WDPCP: variants seen among roughly 807,000 people sequenced by gnomAD.
The protein encoded by WDPCP is WD repeat-containing and planar cell polarity effector protein fritz homolog.
A neutral mutation model predicts 93.1 loss-of-function variants in WDPCP; 71 were observed. The ratio of observed to expected loss-of-function variants is 0.76; its 90% confidence interval spans 0.63 to 0.93. The LOEUF (loss-of-function observed/expected upper bound fraction) is 0.93. Among genes scored for constraint, WDPCP ranks in the 40% least tolerant of loss-of-function variants. WDPCP has a pLI of 0.00. For missense variants in WDPCP, 844 were observed against 887.4 expected (o/e 0.95, Z 0.62); for synonymous variants, 315 against 315.0 (o/e 1.00, Z 0.00).
chr2:63,622,944 T>G, intron 3 of WDPCP: 1 of 900,744 alleles, frequency 1.1e-6, no homozygotes, highest in Non-Finnish European at 1.7e-6. Context: ...GCCAGGCTCG[T>G]AGCTCAGTCA....
At chr2:63,484,200 T>C (rs1232913719) in intron 6 of WDPCP, among the ~76,000 whole-genome samples, 1 of 152,018 alleles carries the variant, frequency 6.6e-6, no homozygotes, top group Non-Finnish European at 1.5e-5. Context: ...AGTCGGCTTG[T>C]TGATTTGCAT....
At chr2:63,839,303 T>C in the WDPCP span, among the ~76,000 whole-genome samples, 1 of 152,282 alleles carries the variant, frequency 6.6e-6, no homozygotes, top group Admixed American at 6.5e-5. Context: ...CTCACGCCTG[T>C]AATCCCAGCA....
chr2:63,237,508 A>T (rs546799359), intron 14 of WDPCP, among the ~76,000 whole-genome samples: 2 of 152,268 alleles, frequency 1.3e-5, no homozygotes, highest in East Asian at 3.9e-4. Flanking sequence ...TTGTGCTACC[A>T]AAGATACCCG....
chr2:63,835,854 T>C, the WDPCP span, among the ~76,000 whole-genome samples: 2 of 152,132 alleles, frequency 1.3e-5, no homozygotes, highest in South Asian at 4.1e-4. Flanking sequence ...ATCTTCTCTT[T>C]ATTTTATTTT....
At chr2:63,766,047 G>C (rs1670133104) in intron 2 of WDPCP, among the ~76,000 whole-genome samples, 1 of 152,202 alleles carries the variant, frequency 6.6e-6, no homozygotes, top group African/African-American at 2.4e-5. Flanking sequence ...TAGAGCACTA[G>C]CACCTAGCAC....
intron 13 of WDPCP, among the ~76,000 whole-genome samples, chr2:63,296,208 T>C (rs1168045832): frequency 8.2e-5 from 5 of 60,946 alleles, no homozygotes; most frequent in African/African-American, 4.5e-4. Flanking sequence ...TCTCAGTAGA[T>C]GCAAAAAAAA....
chr2:63,612,248 G>A (rs1434071774), intron 3 of WDPCP, among the ~76,000 whole-genome samples: 1 of 152,174 alleles, frequency 6.6e-6, no homozygotes, highest in Non-Finnish European at 1.5e-5. Context: ...GACTCCCTCA[G>A]ATACAAAATG....
At chr2:63,697,423 T>C (rs552423143) in intron 2 of WDPCP, among the ~76,000 whole-genome samples, 277 of 152,276 alleles carry the variant, frequency 1.8e-3, no homozygotes, top group Non-Finnish European at 3.0e-3. Flanking sequence ...AATGAAATGT[T>C]AATCATTTAT....
chr2:63,574,371 G>A (rs1253608077), intron 1 of WDPCP, among the ~76,000 whole-genome samples: 2 of 152,012 alleles, frequency 1.3e-5, no homozygotes, highest in Non-Finnish European at 2.9e-5. Flanking sequence ...GTGAAATATC[G>A]GGGGTGAATT....
At chr2:63,141,332 C>G (rs758391377) in intron 17 of WDPCP, among the ~76,000 whole-genome samples, 1 of 152,186 alleles carries the variant, frequency 6.6e-6, no homozygotes, top group Non-Finnish European at 1.5e-5. Context: ...CCGCCTCAGC[C>G]CCCCAAAGTG....
At chr2:63,497,615 T>C (rs1298603821) in intron 1 of WDPCP, among the ~76,000 whole-genome samples, 1 of 152,148 alleles carries the variant, frequency 6.6e-6, no homozygotes, top group Non-Finnish European at 1.5e-5. Flanking sequence ...GAGGACCAAA[T>C]CAACATCCTT....
chr2:63,490,805 A>G (rs1700833969), intron 2 of WDPCP, among the ~76,000 whole-genome samples: 1 of 152,168 alleles, frequency 6.6e-6, no homozygotes, highest in Admixed American at 6.5e-5. Context: ...GGGGATCAAG[A>G]TGGAATAGCT....
chr2:63,599,030 C>G (rs7591566), intron 3 of WDPCP: 107,094 of 585,102 alleles, frequency 0.18, 10,798 homozygotes, highest in Middle Eastern at 0.33. Flanking sequence ...AATGCATTTT[C>G]CTATGCTATA....
At chr2:63,815,802 G>A (rs1467855363) in intron 1 of WDPCP, among the ~76,000 whole-genome samples, 1 of 152,166 alleles carries the variant, frequency 6.6e-6, no homozygotes, top group African/African-American at 2.4e-5. Flanking sequence ...TAGCCTAGGT[G>A]ATAGCTGCAA....
At chr2:63,305,388 G>A (rs1188139680) in intron 13 of WDPCP, among the ~76,000 whole-genome samples, 3 of 152,150 alleles carry the variant, frequency 2.0e-5, no homozygotes, top group Non-Finnish European at 2.9e-5. Flanking sequence ...CGAAGGAACA[G>A]GCAGCGATCT....
intron 1 of WDPCP, among the ~76,000 whole-genome samples, chr2:63,530,204 A>C (rs938722073): frequency 3.3e-5 from 5 of 151,768 alleles, no homozygotes; most frequent in African/African-American, 1.2e-4. Flanking sequence ...ATCTCCTTCA[A>C]TTCTGCTCTG....
At chr2:63,692,378 A>ATTGC (rs1668901999) in intron 2 of WDPCP, among the ~76,000 whole-genome samples, 1 of 152,176 alleles carries the variant, frequency 6.6e-6, no homozygotes, top group Non-Finnish European at 1.5e-5. Context: ...AACTTAGGCA[A>ATTGC]GTTAAATGTT....
chr2:63,810,461 G>A (rs1469144902), intron 2 of WDPCP, among the ~76,000 whole-genome samples: 1 of 152,198 alleles, frequency 6.6e-6, no homozygotes, highest in Non-Finnish European at 1.5e-5. Context: ...GCTTCCTAGA[G>A]GAAATAATAC....
intron 1 of WDPCP, among the ~76,000 whole-genome samples, chr2:63,572,726 A>AG (rs1707622146): frequency 1.4e-5 from 2 of 144,764 alleles, no homozygotes; most frequent in African/African-American, 2.5e-5. Flanking sequence ...AAAAAAAAAA[A>AG]GTTGGACAGC....
Sources: allele counts gnomAD v4.1 joint callset (sites outside exome capture counted in the v4.1 genomes callset), GRCh38; gene constraint gnomAD v4.1.1; transcripts MANE v1.5; gene names NCBI Gene and HGNC (gene_info 2026-07-23, HGNC 2026-07-21).